Variants in SH3TC1 observed in about 807,000 individuals in gnomAD.
SH3TC1 encodes SH3 domain and tetratricopeptide repeat-containing protein 1.
Under a neutral mutation model 117.3 loss-of-function variants are expected in SH3TC1, and 135 were observed. The ratio of observed to expected loss-of-function variants is 1.15; its 90% CI spans 1.00 to 1.33. The LOEUF (loss-of-function observed/expected upper bound fraction) is 1.33. Ranked by LOEUF, SH3TC1 falls within the 40% of genes most tolerant of loss-of-function variation. The pLI, the probability that SH3TC1 is intolerant of heterozygous loss-of-function variation, is 0.00. For synonymous variants in SH3TC1, 898 were observed against 816.9 expected (o/e 1.10, Z -1.69); for missense variants, 2,092 against 1,794.3 (o/e 1.17, Z -3.00).
Position 8,227,391 on chromosome 4 carries a change from T to TG in SH3TC1, c.1701dup (p.Arg568AlafsTer17). On this transcript the variant is annotated frameshift_variant, in exon 12 of 18. Transcript: ENST00000245105. LOFTEE classifies it high-confidence loss of function. ...GCCCTGGCCAGGCTCTGCTTCCTCC[T>TG]GGGGCGGCTGTGCAGCAGGAGGCTC... is the stretch of plus-strand genomic sequence containing the variant. The TG allele has an allele frequency of 3.9e-6, 6 of 1,553,018 alleles. No individual in the cohort carries two copies. Among genetic ancestry groups the TG allele is most frequent in the Non-Finnish European group, 5.2e-6 (6 of 1,150,532 alleles).
At chr4:8,222,689 T>TCGC (rs1554135605) in intron 9 of SH3TC1, 151 bp from the exon 10 acceptor site, 6 of 992,324 alleles carry the variant, frequency 6.0e-6, no homozygotes, top group Admixed American at 5.3e-5. Flanking sequence ...GTTGTTGTTG[T>TCGC]TGTTGTTTTT....
At chr4:8,189,615 G>A (rs1430320464) in intron 1 of SH3TC1, among the ~76,000 whole-genome samples, 2 of 152,196 alleles carry the variant, frequency 1.3e-5, no homozygotes, top group African/African-American at 4.8e-5. Context: ...TGGGGAAAGA[G>A]AGGGGTCATG....
intron 17 of SH3TC1, among the ~76,000 whole-genome samples, chr4:8,239,966 G>C (rs1216982833): frequency 6.6e-6 from 1 of 152,256 alleles, no homozygotes; most frequent in Non-Finnish European, 1.5e-5. Flanking sequence ...GTGAGGGCAT[G>C]GGCTGCTGCA....
intron 1 of SH3TC1, among the ~76,000 whole-genome samples, chr4:8,191,722 G>C (rs1717421094): frequency 6.6e-6 from 1 of 152,180 alleles, no homozygotes; most frequent in African/African-American, 2.4e-5. Flanking sequence ...AACCTCAGGA[G>C]AGATTTGTGC....
rs368666784 is a variant in SH3TC1, at chr4:8,240,845, T to C, written c.3901T>C (p.Tyr1301His). The change falls in exon 18 of 18, where the codon TAC becomes CAC. Residue 1301 changes from tyrosine to histidine, a missense_variant. Transcript: ENST00000245105. ...LLDREKSLFF[Y>H]QKARTFATEL... ...GGACCGTGAGAAGTCGCTCTTCTTCTACCAGAAGGCCAGGACCTTCGCCAC... is the reference window on the plus strand; with the variant it reads ...GGACCGTGAGAAGTCGCTCTTCTTCCACCAGAAGGCCAGGACCTTCGCCAC... The C allele has an allele frequency of 2.0e-5, 33 of 1,613,878 alleles. No individual in the cohort carries two copies. Among genetic ancestry groups the C allele is most frequent in the Middle Eastern group, 3.3e-4 (2 of 6,084 alleles).
rs1450621343 is a variant in SH3TC1, at chr4:8,219,530, A to G, written c.1112A>G (p.Glu371Gly). The change falls in exon 9 of 18, where the codon GAG (glutamate) becomes GGG (glycine). Residue 371 changes from glutamate to glycine, a missense_variant and splice_region_variant. Physicochemically the swap from Glu to Gly is moderately conservative, Grantham distance 98. Transcript: ENST00000245105. The part of the protein sequence containing the change: ...SLISMQGPVS[E>G]LESAIFLNEE... The stretch of plus-strand genomic sequence containing the variant: ...ATCAGCATGCAGGGCCCCGTGTCCG[A>G]GTGAGTGGCTGGAGCCCCGCCCCTT... 1.3e-6 allele frequency: 2 copies of G among 1,550,478 alleles called. No individual in the cohort carries two copies. The highest frequency in any genetic ancestry group is 1.4e-5 in the African/African-American group (1 of 73,306).
At chr4:8,233,584 A>G in intron 14 of SH3TC1, 71 bp downstream of exon 14, 2 of 1,460,342 alleles carry the variant, frequency 1.4e-6, no homozygotes, top group Non-Finnish European at 1.8e-6. Flanking sequence ...TCCATTGATG[A>G]TGATGATAGA....
chr4:8,204,531 C>T (rs542495533), intron 1 of SH3TC1, among the ~76,000 whole-genome samples: 47 of 152,286 alleles, frequency 3.1e-4, no homozygotes, highest in South Asian at 8.3e-4. Flanking sequence ...ACAGTGAGGC[C>T]CCCCATGACC....
At chr4:8,224,214 C>T (rs919400753) in intron 10 of SH3TC1, among the ~76,000 whole-genome samples, 2 of 152,232 alleles carry the variant, frequency 1.3e-5, no homozygotes, top group African/African-American at 4.8e-5. Flanking sequence ...TAAACAGATA[C>T]ATTTCCACAC....
chr4:8,225,157 T>C lies in SH3TC1; in HGVS notation c.1244-18T>C. 6.2e-7 allele frequency: 1 copy of C among 1,613,736 alleles called. No homozygotes were observed. The highest frequency in any genetic ancestry group is 8.5e-7 in the Non-Finnish European group (1 of 1,179,914). ...ACTGGCTGGGGGTGTTGATTGCTTC[T>C]CTTTTCTCCCTTGCCAGACTCAGTA... On this transcript the variant is annotated intron_variant, in intron 10 of 17. Transcript: ENST00000245105. The surrounding 1 kb of genome is among the most constrained non-coding windows in gnomAD (Gnocchi z 5.5).
chr4:8,196,044 C>A (rs1043894784), upstream of SH3TC1, among the ~76,000 whole-genome samples: 4 of 152,272 alleles, frequency 2.6e-5, no homozygotes, highest in Non-Finnish European at 5.9e-5. This position sits in a 1 kb window ranked among gnomAD's most constrained non-coding sequence, Gnocchi z 4.6. Flanking sequence ...TCGAGCGCAG[C>A]CCCTCTGTGC....
Position 8,203,715 on chromosome 4 carries a change from G to A in SH3TC1, c.-28-1452G>A, listed in dbSNP as rs772076923. 3.9e-5 allele frequency among the ~76,000 whole-genome samples: 6 copies of A among 152,210 alleles called. No homozygotes were observed. In the East Asian group the frequency reaches 5.8e-4, roughly 15 times the overall value. On this transcript the variant is annotated intron_variant, in intron 1 of 17. Coordinates refer to ENST00000245105, the MANE Select transcript of SH3TC1 (RefSeq NM_018986.5). ...CAGACACTGGGACAGACTTTGTGGC[G>A]CATGGACTCGTCCCCCTGCTCCTGG...
In SH3TC1 at chr4:8,228,275, C is replaced by G. The variant is rs552391069; in HGVS notation, c.2581C>G (p.Gln861Glu). 1.2e-6 allele frequency: 2 copies of G among 1,612,394 alleles called. No individual in the cohort carries two copies. The highest frequency in any genetic ancestry group is 2.7e-5 in the African/African-American group (2 of 75,074). ...GGATGCAGTGGTGGCCAGCGAGGAC[C>G]AGGAGGGCGTGATTGCCAACATGGT... Reference protein sequence around the residue: ...VRDAVVASEDQEGVIANMVAV... With the variant: ...VRDAVVASEDEEGVIANMVAV... The change falls in exon 12 of 18, where the codon CAG becomes GAG. Residue 861 changes from glutamine (Q) to glutamate (E), a missense_variant. By Grantham distance (29) the Gln-to-Glu change is conservative. Transcript: ENST00000245105.
At chr4:8,230,032 G>T (rs1038750097) in intron 12 of SH3TC1, among the ~76,000 whole-genome samples, 1 of 151,586 alleles carries the variant, frequency 6.6e-6, no homozygotes, top group African/African-American at 2.4e-5. Context: ...AGGGGACGAG[G>T]ATCATGCTTC....
intron 1 of SH3TC1, among the ~76,000 whole-genome samples, chr4:8,203,495 C>T (rs975645805): frequency 2.0e-5 from 3 of 151,868 alleles, no homozygotes; most frequent in South Asian, 2.1e-4. Flanking sequence ...CTCAGAGCCT[C>T]GGGGGAGGGC....
At chr4:8,223,205 AG>A (rs1720116568) in intron 10 of SH3TC1, among the ~76,000 whole-genome samples, 1 of 152,258 alleles carries the variant, frequency 6.6e-6, no homozygotes, top group South Asian at 2.1e-4. Flanking sequence ...TGTGGGCACC[AG>A]GGAAGCCCTT....
rs935532954 is a variant in SH3TC1, at chr4:8,225,936, C to T, written c.1285+720C>T. Reference sequence around the variant, plus strand: ...GTCCCTGGAGCAAATGCGAGTGACTCCAGCTGCCCCCAAGGCCAGGGTAAT... The same window carrying T: ...GTCCCTGGAGCAAATGCGAGTGACTTCAGCTGCCCCCAAGGCCAGGGTAAT... On this transcript the variant is annotated intron_variant, in intron 11 of 17. Coordinates refer to ENST00000245105, the MANE Select transcript of SH3TC1 (RefSeq NM_018986.5). The surrounding 1 kb of genome is among the most constrained non-coding windows in gnomAD (Gnocchi z 5.5). Among the ~76,000 whole-genome samples, 107 of 152,198 alleles carry T rather than the reference C, an allele frequency of 7.0e-4. No homozygotes were observed. The highest frequency in any genetic ancestry group is 2.4e-3 in the African/African-American group (100 of 41,522).
rs756235801 is a variant in SH3TC1 at position 8,225,248 on chromosome 4, G to T, written c.1285+32G>T. ...TTTGCCAGTGGCTCAGGCTTCCTCTGGTTATGAGCTGGGCCTTGGGGTAAC... is the reference window on the plus strand; with the variant it reads ...TTTGCCAGTGGCTCAGGCTTCCTCTTGTTATGAGCTGGGCCTTGGGGTAAC... On this transcript the variant is annotated intron_variant, in intron 11 of 17. Transcript: ENST00000245105. The surrounding 1 kb of genome is among the most constrained non-coding windows in gnomAD (Gnocchi z 5.5). The T allele has an allele frequency of 4.4e-6, 7 of 1,607,204 alleles. No individual in the cohort carries two copies. In the African/African-American group the frequency reaches 9.4e-5, roughly 21 times the overall value.
chr4:8,201,217 C>A (rs1469556879), intron 1 of SH3TC1, among the ~76,000 whole-genome samples: 1 of 152,230 alleles, frequency 6.6e-6, no homozygotes, highest in Non-Finnish European at 1.5e-5. Flanking sequence ...CTTCTTCCAA[C>A]CCACATTCAC....
Sources: gnomAD v4.1 joint callset for allele counts (sites outside exome capture counted in the v4.1 genomes callset) on GRCh38, gnomAD v4.1.1 for gene constraint, Gnocchi (gnomAD v3.1) non-coding constraint, MANE v1.5 for transcripts, NCBI Gene and HGNC (gene_info 2026-07-23, HGNC 2026-07-21) for gene names.